The following MMP20 variants were observed in gnomAD, a reference collection of about 807,000 sequenced individuals.
MMP20 encodes matrix metalloproteinase-20.
In MMP20, 50 loss-of-function variants were observed where a neutral mutation model predicts 51.8. The observed-to-expected ratio is 0.97, with a 90% CI of 0.77 to 1.22. MMP20 has a LOEUF of 1.22. Among genes scored for constraint, MMP20 ranks in the 50% most tolerant of loss-of-function variants. The probability of loss-of-function intolerance (pLI) is 0.00; values close to 1 mark genes in which losing one functional copy is unlikely to be tolerated. For synonymous variants in MMP20, 244 were observed against 216.2 expected (o/e 1.13, Z -1.13); for missense variants, 663 against 601.4 (o/e 1.10, Z -1.07).
At chr11:102,620,635 C>T (rs571431539) in intron 1 of MMP20, among the ~76,000 whole-genome samples, 2 of 152,334 alleles carry the variant, frequency 1.3e-5, no homozygotes, top group African/African-American at 4.8e-5. Context: ...GTCTCCCTTC[C>T]AAGCCCTTAT....
intron 3 of MMP20, 94 bp from the exon 4 acceptor site, chr11:102,610,124 A>G (rs987986309): frequency 7.4e-7 from 1 of 1,353,712 alleles, no homozygotes; most frequent in Non-Finnish European, 1.0e-6. Context: ...TTTGAGTAGC[A>G]TTGACACTTA....
intron 9 of MMP20, 69 bp from the exon 10 acceptor site, chr11:102,577,495 C>A (rs1324982298): frequency 6.4e-6 from 7 of 1,089,804 alleles, no homozygotes; most frequent in Non-Finnish European, 8.4e-6. Flanking sequence ...AAGAATTTGT[C>A]ACTGTCACTT....
intron 5 of MMP20, 43 bp downstream of exon 5, chr11:102,608,894 T>C (rs768875244): frequency 1.3e-6 from 2 of 1,599,966 alleles, no homozygotes; most frequent in South Asian, 2.2e-5. Flanking sequence ...ACTGAATGCC[T>C]GCCAATTTCA....
intron 1 of MMP20, among the ~76,000 whole-genome samples, chr11:102,619,166 AT>A (rs1320615100): frequency 6.6e-6 from 1 of 151,940 alleles, no homozygotes; most frequent in Non-Finnish European, 1.5e-5. Context: ...GATGGGATGA[AT>A]TGTTCCTGTC....
intron 1 of MMP20, among the ~76,000 whole-genome samples, chr11:102,623,719 G>A (rs1025547085): frequency 2.0e-5 from 3 of 152,182 alleles, no homozygotes; most frequent in Non-Finnish European, 4.4e-5. Flanking sequence ...AAACTAAGGG[G>A]CAGGGCCAAC....
intron 8 of MMP20, among the ~76,000 whole-genome samples, chr11:102,586,308 T>C (rs938557966): frequency 1.3e-5 from 2 of 152,224 alleles, no homozygotes; most frequent in African/African-American, 2.4e-5. Flanking sequence ...TTTTGATTAC[T>C]GCTTTAATAT....
At position 102,621,013 on chromosome 11, in the gene MMP20, C is replaced by T. The variant is rs1859743540; in HGVS notation, c.127-3954G>A. On this transcript the variant is annotated intron_variant, in intron 1 of 9. Coordinates refer to ENST00000260228, the MANE Select transcript of MMP20 (RefSeq NM_004771.4). ...TTGAGCCGGCTGCTCCCACACACAT[C>T]TGCGTGGCTGGCCCACCCTTCAGGG... Among the ~76,000 whole-genome samples, 5 of 152,328 alleles carry T rather than the reference C, an allele frequency of 3.3e-5. No homozygotes were observed. In the South Asian group the frequency reaches 8.3e-4, roughly 25 times the overall value.
chr11:102,594,246 A>G (rs2135934044), intron 7 of MMP20, among the ~76,000 whole-genome samples: 1 of 151,894 alleles, frequency 6.6e-6, no homozygotes, highest in Middle Eastern at 3.4e-3. Context: ...CATAGAAGTA[A>G]GGGTATTGTT....
At chr11:102,619,971 G>C (rs1279892357) in intron 1 of MMP20, among the ~76,000 whole-genome samples, 1 of 152,142 alleles carries the variant, frequency 6.6e-6, no homozygotes, top group Non-Finnish European at 1.5e-5. Flanking sequence ...ATTCATCACT[G>C]CAGTGATATA....
intron 3 of MMP20, among the ~76,000 whole-genome samples, chr11:102,611,330 G>T (rs928572630): frequency 6.6e-6 from 1 of 152,204 alleles, no homozygotes; most frequent in African/African-American, 2.4e-5. Context: ...CAGGGGGAAA[G>T]CTGCTTCAAG....
chr11:102,588,625 A>T (rs1036379855), intron 8 of MMP20, among the ~76,000 whole-genome samples: 2 of 152,244 alleles, frequency 1.3e-5, no homozygotes, highest in African/African-American at 4.8e-5. Context: ...AATTAAGAGA[A>T]TAAAGAAGAA....
At chr11:102,589,085 G>C (rs902866131) in intron 8 of MMP20, among the ~76,000 whole-genome samples, 3 of 152,178 alleles carry the variant, frequency 2.0e-5, no homozygotes, top group African/African-American at 7.2e-5. Context: ...TCCCTAGAAA[G>C]GCATTGACAC....
chr11:102,578,335 C>T (rs970995202), intron 9 of MMP20, among the ~76,000 whole-genome samples: 16 of 151,970 alleles, frequency 1.1e-4, no homozygotes, highest in Non-Finnish European at 1.3e-4. Flanking sequence ...CAGAGTTTTG[C>T]CATATTGCCC....
intron 5 of MMP20, chr11:102,607,372 C>T (rs1859531507): frequency 1.3e-5 from 2 of 154,012 alleles, no homozygotes; most frequent in East Asian, 3.9e-4. Flanking sequence ...TGTCCCAGCT[C>T]CAGAAGAATG....
intron 6 of MMP20, chr11:102,605,127 T>C (rs1859498595): frequency 6.6e-6 from 1 of 152,164 alleles, no homozygotes. Flanking sequence ...AGTGCACTTA[T>C]AAGAAGAGAA....
At chr11:102,604,608 C>T (rs1375791546) in intron 6 of MMP20, among the ~76,000 whole-genome samples, 1 of 152,130 alleles carries the variant, frequency 6.6e-6, no homozygotes, top group Non-Finnish European at 1.5e-5. Context: ...GCTGTGAAAG[C>T]CTGGGTTCCT....
At chr11:102,594,951 G>A (rs953353823) in intron 6 of MMP20, among the ~76,000 whole-genome samples, 194 bp from the exon 7 acceptor site, 13 of 150,624 alleles carry the variant, frequency 8.6e-5, no homozygotes, top group African/African-American at 3.2e-4. Context: ...TTTGGCCCAG[G>A]CTGGAGTGCA....
rs182771206 is a variant in MMP20 at position 102,596,815 on chromosome 11, T to C, written c.954-2058A>G. Among the ~76,000 whole-genome samples the C allele has an allele frequency of 4.3e-4, 66 of 152,306 alleles. 1 individual carries two copies. The East Asian group carries it at 8.5e-3, about 20-fold the overall frequency. Reference sequence around the variant, plus strand: ...TTTTCTTTGTTTGTACTTTGACCCTTTGTCCAATCAGACCTGGGCTTTTCT... The same window carrying C: ...TTTTCTTTGTTTGTACTTTGACCCTCTGTCCAATCAGACCTGGGCTTTTCT... On this transcript the variant is annotated intron_variant, in intron 6 of 9. Transcript: ENST00000260228.
intron 8 of MMP20, among the ~76,000 whole-genome samples, chr11:102,584,988 T>C (rs939638257): frequency 2.6e-5 from 4 of 152,206 alleles, no homozygotes; most frequent in Admixed American, 6.5e-5. Flanking sequence ...TGTATGGCTA[T>C]CCTTATGCAA....
Sources: gnomAD v4.1 joint callset for allele counts (sites outside exome capture counted in the v4.1 genomes callset) on GRCh38, gnomAD v4.1.1 for gene constraint, MANE v1.5 for transcripts, NCBI Gene and HGNC (gene_info 2026-07-23, HGNC 2026-07-21) for gene names.